HERC2: variants seen among roughly 807,000 people sequenced by gnomAD.
HERC2 encodes HECT and RLD domain containing E3 ubiquitin protein ligase 2.
A neutral mutation model predicts 537.7 loss-of-function variants in HERC2; 102 were observed. That is an observed-to-expected ratio of 0.19 (90% CI 0.16 to 0.22). HERC2 has a LOEUF of 0.22. Ranked by LOEUF, HERC2 falls within the 10% of genes least tolerant of loss-of-function variation. The pLI, the probability that HERC2 is intolerant of heterozygous loss-of-function variation, is 1.00. For missense variants in HERC2, 4,236 were observed against 6,198.2 expected, an observed-to-expected ratio of 0.68 and a Z score of 10.63; for synonymous variants, 2,224 against 2,466.2, an observed-to-expected ratio of 0.90 and a Z score of 2.91.
In HERC2 at chr15:28,260,935, G is replaced by C. The variant is rs1330401581; in HGVS notation, c.2158C>G (p.His720Asp). ...CTGTCCTCAGTCAGAGCCAGGCAGT[G>C]GGTGGAGCCTGCAGCCACATCAATC... ...KVIDVAAGST[H>D]CLALTEDSEV... The change falls in exon 16 of 93, where the codon CAC becomes GAC. Residue 720 changes from histidine to aspartate, a missense_variant. This residue lies in a region of HERC2 where 754 missense variants were observed against 1,085.0 expected (regional missense o/e 0.69). Coordinates refer to ENST00000261609, the MANE Select transcript of HERC2 (RefSeq NM_004667.6). The C allele has an allele frequency of 6.2e-7, 1 of 1,613,906 alleles. No individual in the cohort carries two copies.
At chr15:28,313,985 C>G (rs548574851) in intron 2 of HERC2, among the ~76,000 whole-genome samples, 1 of 152,272 alleles carries the variant, frequency 6.6e-6, no homozygotes, top group African/African-American at 2.4e-5. Context: ...GGCCACACAC[C>G]AGAAATACAG....
rs190897866 is a variant in HERC2, at chr15:28,144,101, C to T, written c.11275G>A (p.Ala3759Thr). 1.2e-6 allele frequency: 2 copies of T among 1,614,204 alleles called. No individual in the cohort carries two copies. The highest frequency in any genetic ancestry group is 1.7e-6 in the Non-Finnish European group (2 of 1,180,050). ...IVPRLAASLA[A>T]CAQLSALAAS... is the part of the protein sequence containing the mutation. ...CCTAGGGCACTCAGCTGTGCACAAG[C>T]TGCCAGCGAGGCCGCAAGGCGAGGG... The change falls in exon 73 of 93, where the codon GCT becomes ACT. Residue 3759 changes from alanine to threonine, a missense_variant. By Grantham distance (58) the Ala-to-Thr change is moderately conservative (BLOSUM62 0). This residue lies in a region of HERC2 where 109 missense variants were observed against 133.5 expected (regional missense o/e 0.82). Coordinates refer to ENST00000261609, the MANE Select transcript of HERC2 (RefSeq NM_004667.6).
At chr15:28,154,164 CA>C (rs2142358194) in intron 69 of HERC2, among the ~76,000 whole-genome samples, 1 of 152,174 alleles carries the variant, frequency 6.6e-6, no homozygotes, top group Non-Finnish European at 1.5e-5. Context: ...CTATTAACCC[CA>C]ACATTTTTAA....
intron 56 of HERC2, among the ~76,000 whole-genome samples, chr15:28,183,813 C>G (rs953381385): frequency 2.6e-5 from 4 of 152,122 alleles, no homozygotes; most frequent in African/African-American, 9.7e-5. Context: ...AAGTGGAAAA[C>G]TCTTTCATCC....
At chr15:28,195,054 T>C (rs1240182978) in intron 52 of HERC2, among the ~76,000 whole-genome samples, 7 of 144,692 alleles carry the variant, frequency 4.8e-5, no homozygotes, top group Non-Finnish European at 9.0e-5. Flanking sequence ...AGACTCCGTC[T>C]CAAAAAAAAA....
chr15:28,167,643 A>G (rs1445478118), intron 68 of HERC2, 44 bp downstream of exon 68: 10 of 1,607,080 alleles, frequency 6.2e-6, no homozygotes, highest in East Asian at 4.5e-5. Context: ...GTGTACATTT[A>G]AGATTATTTC....
At chr15:28,180,159 T>C (rs577530311) in intron 57 of HERC2, among the ~76,000 whole-genome samples, 7 of 152,304 alleles carry the variant, frequency 4.6e-5, no homozygotes, top group Middle Eastern at 3.4e-3. Flanking sequence ...TTTTATCTTT[T>C]ACAATGTATT....
rs2075522786 is a variant in HERC2, at chr15:28,265,036, A to G, written c.1870+582T>C. Among the ~76,000 whole-genome samples, 5 of 152,188 alleles carry G rather than the reference A, an allele frequency of 3.3e-5. No homozygotes were observed. In the South Asian group the frequency reaches 1.0e-3, roughly 32 times the overall value. On this transcript the variant is annotated intron_variant, in intron 14 of 92. Coordinates refer to ENST00000261609, the MANE Select transcript of HERC2 (RefSeq NM_004667.6). This position sits in a 1 kb window ranked among gnomAD's most constrained non-coding sequence, Gnocchi z 4.0. ...TCTGCAGGAGAGAAAGCAAGCTGAC[A>G]GGTACCCCTGCTGATTATAACGGAA... is the stretch of plus-strand genomic sequence containing the variant.
At chr15:28,319,350 C>T (rs1393740236) in intron 2 of HERC2, among the ~76,000 whole-genome samples, 1 of 151,972 alleles carries the variant, frequency 6.6e-6, no homozygotes, top group African/African-American at 2.4e-5. Context: ...ATTTGGGAGG[C>T]CGAGGCAGGC....
chr15:28,277,629 C>A (rs1354241794), intron 5 of HERC2, among the ~76,000 whole-genome samples: 2 of 152,218 alleles, frequency 1.3e-5, no homozygotes, highest in Non-Finnish European at 2.9e-5. Flanking sequence ...CAGTTTGATT[C>A]GACAAACACA....
At chr15:28,201,742 T>C (rs1897933494) in intron 47 of HERC2, among the ~76,000 whole-genome samples, 188 bp from the exon 48 acceptor site, 1 of 152,180 alleles carries the variant, frequency 6.6e-6, no homozygotes, top group Non-Finnish European at 1.5e-5. Flanking sequence ...TCTCAAAAGC[T>C]ACAAGTATAC....
chr15:28,310,132 G>A (rs188516674), intron 2 of HERC2, among the ~76,000 whole-genome samples: 6 of 152,278 alleles, frequency 3.9e-5, no homozygotes, highest in Admixed American at 1.3e-4. Flanking sequence ...TAGCAAGACC[G>A]TCTCTACAAA....
intron 5 of HERC2, 125 bp from the exon 6 acceptor site, chr15:28,275,130 T>A: frequency 1.9e-6 from 1 of 519,570 alleles, no homozygotes; most frequent in South Asian, 3.3e-5. Context: ...AGTGACAGGA[T>A]CACAAGTGGA....
intron 3 of HERC2, among the ~76,000 whole-genome samples, chr15:28,297,349 T>C (rs923990424): frequency 9.9e-5 from 15 of 152,004 alleles, no homozygotes; most frequent in Middle Eastern, 6.8e-3. Context: ...GAAACTTTTA[T>C]CTCTGGAAAG....
chr15:28,192,074 C>T lies in HERC2; in HGVS notation c.8338G>A (p.Asp2780Asn). 2 of 1,614,034 alleles carry T rather than the reference C, an allele frequency of 1.2e-6. No individual in the cohort carries two copies. The highest frequency in any genetic ancestry group is 1.7e-6 in the Non-Finnish European group (2 of 1,180,012). ...CTCTTCACCATGCGGGACCAGCTGT[C>T]CAGCAGCATGCCTGGCTGGCTGCTG... Reference protein sequence around the residue: ...CHSSQPGMLLDSWSRMVKSLN... With the variant: ...CHSSQPGMLLNSWSRMVKSLN... The change falls in exon 53 of 93, where the codon GAC becomes AAC. Residue 2780 changes from aspartate to asparagine, a missense_variant. Physicochemically the swap from Asp to Asn is conservative, Grantham distance 23. Coordinates refer to ENST00000261609, the MANE Select transcript of HERC2 (RefSeq NM_004667.6).
rs1441437219 is a variant in HERC2 at position 28,130,175 on chromosome 15, A to G, written c.12790T>C (p.Cys4264Arg). The change falls in exon 83 of 93, where the codon TGC (cysteine) becomes CGC (arginine). Residue 4264 changes from cysteine (C) to arginine (R), a missense_variant. Around this residue, in one of 27 missense-constraint regions of HERC2, gnomAD observed 189 missense variants for 255.7 expected, o/e 0.74. Transcript: ENST00000261609. Reference protein sequence around the residue: ...IATGSLHCVCCTEDGEVYTWG... With the variant: ...IATGSLHCVCRTEDGEVYTWG... ...AGCCCCTACCTACCATCCTCTGTGCAGCACACACAGTGCAGGGAGCCAGTG... is the reference window on the plus strand; with the variant it reads ...AGCCCCTACCTACCATCCTCTGTGCGGCACACACAGTGCAGGGAGCCAGTG... 6.2e-7 allele frequency: 1 copy of G among 1,614,172 alleles called. No homozygotes were observed.
Position 28,113,550 on chromosome 15 carries a change from G to A in HERC2, c.14019+23C>T, listed in dbSNP as rs1887886714. ...GCAGGCAAAAGGCAGCTGCAGGGCA[G>A]CCCCACCTGGGGGTCGGCATACCAT... On this transcript the variant is annotated intron_variant, in intron 91 of 92. Coordinates refer to ENST00000261609, the MANE Select transcript of HERC2 (RefSeq NM_004667.6). This position sits in a 1 kb window ranked among gnomAD's most constrained non-coding sequence, Gnocchi z 7.0. 11 of 1,599,330 alleles carry A rather than the reference G, an allele frequency of 6.9e-6. No individual in the cohort carries two copies. Among genetic ancestry groups the A allele is most frequent in the Non-Finnish European group, 9.4e-6 (11 of 1,166,782 alleles).
chr15:28,304,961 C>T (rs1249080635), intron 2 of HERC2, among the ~76,000 whole-genome samples: 9 of 147,342 alleles, frequency 6.1e-5, no homozygotes, highest in Admixed American at 4.9e-4. Flanking sequence ...TGAGAATATG[C>T]GGTGTTCGGT....
intron 21 of HERC2, among the ~76,000 whole-genome samples, chr15:28,248,197 C>G (rs191032535): frequency 1.6e-3 from 249 of 152,318 alleles, no homozygotes; most frequent in African/African-American, 5.6e-3. Context: ...CTGGCTCCCC[C>G]ATGTGACATA....
Sources: allele counts gnomAD v4.1 joint callset (sites outside exome capture counted in the v4.1 genomes callset), GRCh38; gene constraint gnomAD v4.1.1; regional missense constraint gnomAD v4.1.1; non-coding constraint Gnocchi (gnomAD v3.1); transcripts MANE v1.5; gene names NCBI Gene and HGNC (gene_info 2026-07-23, HGNC 2026-07-21).